SLC44A5: variants seen among roughly 807,000 people sequenced by gnomAD.
The protein encoded by SLC44A5 is solute carrier family 44 member 5.
A neutral mutation model predicts 101.8 loss-of-function variants in SLC44A5; 57 were observed. That is an observed-to-expected ratio of 0.56 (90% CI 0.45 to 0.70). The LOEUF is 0.70. SLC44A5 is among the 30% of genes least tolerant of loss of function. The probability of loss-of-function intolerance (pLI) is 0.00; values close to 1 mark genes in which losing one functional copy is unlikely to be tolerated. For synonymous variants in SLC44A5, 281 were observed against 290.9 expected (o/e 0.97, Z 0.35); for missense variants, 737 against 853.1 (o/e 0.86, Z 1.70).
At chr1:75,470,757 A>G (rs1485711833) in intron 2 of SLC44A5, among the ~76,000 whole-genome samples, 1 of 151,882 alleles carries the variant, frequency 6.6e-6, no homozygotes, top group African/African-American at 2.4e-5. Context: ...AAACTGAGAT[A>G]AGTATGGTGG....
intron 1 of SLC44A5, among the ~76,000 whole-genome samples, chr1:75,590,392 C>G (rs1674279641): frequency 6.6e-6 from 1 of 152,080 alleles, no homozygotes; most frequent in African/African-American, 2.4e-5. Context: ...CCTAAATAAC[C>G]AGTAGCAATA....
At chr1:75,223,414 C>G (rs182734141) in intron 13 of SLC44A5, among the ~76,000 whole-genome samples, 1 of 152,184 alleles carries the variant, frequency 6.6e-6, no homozygotes, top group Non-Finnish European at 1.5e-5. Flanking sequence ...AAGACATATC[C>G]TTAATTAAAT....
In SLC44A5 at chr1:75,203,787, A is replaced by G. The variant is rs1050523555; in HGVS notation, c.2094T>C (p.Tyr698=). The change falls in exon 24 of 24, where the codon TAT becomes TAC. Residue 698 remains tyrosine, a synonymous_variant. Transcript: ENST00000370859. The stretch of plus-strand genomic sequence containing the variant: ...AAATCTTCAGCAAAGGTTGACTCAC[A>G]TAATAAGGTCTTGCAGTAGAACCAT... The part of the protein sequence containing the change: ...RNDGSTARPY[Y]VSQPLLKIFQ... 3 of 1,550,298 alleles carry G rather than the reference A, an allele frequency of 1.9e-6. No individual in the cohort carries two copies. Among genetic ancestry groups the G allele is most frequent in the South Asian group, 1.2e-5 (1 of 83,702 alleles).
chr1:75,242,837 G>GA lies in SLC44A5; in HGVS notation c.471+48dup, dbSNP rs543720918. On this transcript the variant is annotated intron_variant, in intron 8 of 23. Coordinates refer to ENST00000370859, the MANE Select transcript of SLC44A5 (RefSeq NM_001130058.2). ...AAATTCTCACGTTACACTTGAGATT[G>GA]AAAAAAAAAGTTAAATTGTTCTCTT... 8.5e-4 allele frequency: 1,291 copies of GA among 1,510,240 alleles called. 12 individuals carry two copies. In the South Asian group the frequency reaches 0.012, roughly 14 times the overall value. The allele number at this position is 1,510,240 out of a possible 1,614,324, so 93.6% of individuals were successfully genotyped here.
intron 5 of SLC44A5, among the ~76,000 whole-genome samples, chr1:75,295,076 A>G (rs1480064148): frequency 6.6e-6 from 1 of 152,224 alleles, no homozygotes; most frequent in Non-Finnish European, 1.5e-5. Flanking sequence ...GTGAGGTGAT[A>G]TATCTGTTAG....
At chr1:75,219,005 A>C (rs1647020792) in intron 16 of SLC44A5, among the ~76,000 whole-genome samples, 1 of 151,334 alleles carries the variant, frequency 6.6e-6, no homozygotes, top group Non-Finnish European at 1.5e-5. Flanking sequence ...GTTGTTGACC[A>C]TACCTACTTT....
At chr1:75,236,931 A>T in intron 11 of SLC44A5, 56 bp downstream of exon 11, 1 of 949,126 alleles carries the variant, frequency 1.1e-6, no homozygotes, top group Non-Finnish European at 1.6e-6. Flanking sequence ...AAAGAGTTCT[A>T]CAAAGATAAA....
intron 3 of SLC44A5, among the ~76,000 whole-genome samples, chr1:75,358,758 T>C (rs1056606709): frequency 6.6e-6 from 1 of 152,222 alleles, no homozygotes; most frequent in Admixed American, 6.5e-5. Context: ...GAATGGGATA[T>C]GATGTGATGG....
chr1:75,375,705 T>C (rs1473515200), intron 3 of SLC44A5, among the ~76,000 whole-genome samples: 1 of 152,230 alleles, frequency 6.6e-6, no homozygotes, highest in Non-Finnish European at 1.5e-5. Flanking sequence ...TTAGCATTCT[T>C]GAAGTAAAGA....
chr1:75,694,964 A>G, the SLC44A5 span, among the ~76,000 whole-genome samples: 1 of 152,216 alleles, frequency 6.6e-6, no homozygotes, highest in Non-Finnish European at 1.5e-5. Context: ...AACTATTTTC[A>G]TTCCAAATAA....
At chr1:75,650,424 T>C in the SLC44A5 span, among the ~76,000 whole-genome samples, 1 of 152,306 alleles carries the variant, frequency 6.6e-6, no homozygotes, top group South Asian at 2.1e-4. Flanking sequence ...CATAAAACAA[T>C]TGCCAAATTC....
intron 5 of SLC44A5, among the ~76,000 whole-genome samples, chr1:75,293,708 A>G (rs752249370): frequency 1.8e-4 from 28 of 152,312 alleles, no homozygotes; most frequent in Middle Eastern, 6.8e-3. Context: ...GTCATTTCAC[A>G]GGTGGCCTCT....
chr1:75,392,031 C>T (rs1249823), intron 3 of SLC44A5, among the ~76,000 whole-genome samples: 38,023 of 151,684 alleles, frequency 0.25, 5,014 homozygotes, highest in African/African-American at 0.33. Flanking sequence ...GGCACATAGT[C>T]CCAACTACTC....
intron 1 of SLC44A5, among the ~76,000 whole-genome samples, chr1:75,583,195 C>T (rs1020432355): frequency 6.6e-6 from 1 of 152,114 alleles, no homozygotes; most frequent in African/African-American, 2.4e-5. Flanking sequence ...TTCTTCTCTC[C>T]CTATCCCACC....
At chr1:75,652,276 T>G in the SLC44A5 span, among the ~76,000 whole-genome samples, 1 of 152,146 alleles carries the variant, frequency 6.6e-6, no homozygotes, top group African/African-American at 2.4e-5. Context: ...CTAAGTCAAA[T>G]GTCAAACTGC....
At chr1:75,541,275 A>T (rs1315311195) in intron 2 of SLC44A5, among the ~76,000 whole-genome samples, 160 bp downstream of exon 2, 2 of 152,186 alleles carry the variant, frequency 1.3e-5, no homozygotes, top group African/African-American at 4.8e-5. Flanking sequence ...AAAGACGGAG[A>T]ACCACAAGGT....
chr1:75,537,033 A>AAAAAAAAAATATATAT (rs35829590), intron 2 of SLC44A5, among the ~76,000 whole-genome samples: 16 of 43,028 alleles, frequency 3.7e-4, no homozygotes, highest in African/African-American at 7.6e-4. Context: ...AAAAAAAAAA[A>AAAAAAAAAATATATAT]ATATATATCT....
At chr1:75,207,175 AC>A (rs1646763816) in intron 23 of SLC44A5, among the ~76,000 whole-genome samples, 1 of 152,168 alleles carries the variant, frequency 6.6e-6, no homozygotes, top group Non-Finnish European at 1.5e-5. Context: ...ACAGACGAAC[AC>A]CCTGAGGCCC....
intron 18 of SLC44A5, among the ~76,000 whole-genome samples, chr1:75,216,319 C>T (rs1238836512): frequency 6.6e-6 from 1 of 151,946 alleles, no homozygotes; most frequent in Non-Finnish European, 1.5e-5. Context: ...ATTGTGTGTA[C>T]ATAACACATT....
Sources: allele counts gnomAD v4.1 joint callset (sites outside exome capture counted in the v4.1 genomes callset), GRCh38; gene constraint gnomAD v4.1.1; transcripts MANE v1.5; gene names NCBI Gene and HGNC (gene_info 2026-07-23, HGNC 2026-07-21).